ARB2A: variants seen among roughly 807,000 people sequenced by gnomAD.
ARB2A encodes the protein ARB2 cotranscriptional regulator A.
At chr5:93,779,784 A>AT in the ARB2A span, among the ~76,000 whole-genome samples, 3 of 152,082 alleles carry the variant, frequency 2.0e-5, no homozygotes, top group Admixed American at 1.3e-4. Flanking sequence ...CAGTTTAAAC[A>AT]TTTTTTTACC....
chr5:93,680,380 AAC>A, the ARB2A span, among the ~76,000 whole-genome samples: 1 of 152,140 alleles, frequency 6.6e-6, no homozygotes, highest in African/African-American at 2.4e-5. Context: ...AACTAGAAGA[AAC>A]AGAGTCTCAG....
the ARB2A span, among the ~76,000 whole-genome samples, chr5:93,853,424 C>A: frequency 6.6e-6 from 1 of 152,184 alleles, no homozygotes; most frequent in Admixed American, 6.5e-5. Context: ...TTGACTTCCT[C>A]TTTTCCTAAT....
At chr5:94,060,309 G>A in the ARB2A span, among the ~76,000 whole-genome samples, 4 of 151,822 alleles carry the variant, frequency 2.6e-5, no homozygotes, top group Admixed American at 1.3e-4. Context: ...CCAAGATCAC[G>A]CCACTGCACT....
At chr5:93,850,983 G>C in the ARB2A span, among the ~76,000 whole-genome samples, 1 of 151,980 alleles carries the variant, frequency 6.6e-6, no homozygotes, top group Admixed American at 6.6e-5. Context: ...CTTAGTCATT[G>C]ATTGGTTCTT....
At chr5:93,931,042 G>A in the ARB2A span, among the ~76,000 whole-genome samples, 3 of 152,140 alleles carry the variant, frequency 2.0e-5, no homozygotes, top group Admixed American at 2.0e-4. Flanking sequence ...GTGTCCATGT[G>A]TTCTCACTGT....
At chr5:93,965,196 G>C in the ARB2A span, among the ~76,000 whole-genome samples, 1 of 152,012 alleles carries the variant, frequency 6.6e-6, no homozygotes, top group Admixed American at 6.6e-5. Flanking sequence ...CAGAAGAACA[G>C]TGGGTCAGAG....
At chr5:93,798,040 G>T in the ARB2A span, among the ~76,000 whole-genome samples, 1 of 152,038 alleles carries the variant, frequency 6.6e-6, no homozygotes, top group African/African-American at 2.4e-5. Context: ...TCCTTGAGGG[G>T]AACGTTTATT....
the ARB2A span, chr5:93,735,452 T>C: frequency 1.3e-5 from 2 of 152,222 alleles, no homozygotes; most frequent in Non-Finnish European, 2.9e-5. Flanking sequence ...CTCATCACAA[T>C]TTCTCCACAT....
the ARB2A span, among the ~76,000 whole-genome samples, chr5:93,859,050 G>C: frequency 6.6e-6 from 1 of 152,056 alleles, no homozygotes; most frequent in Non-Finnish European, 1.5e-5. Context: ...GGCACATGTA[G>C]ATAGACATTT....
the ARB2A span, among the ~76,000 whole-genome samples, chr5:93,979,870 A>AG: frequency 6.6e-6 from 1 of 152,132 alleles, no homozygotes; most frequent in Non-Finnish European, 1.5e-5. Flanking sequence ...ACATCCTTAG[A>AG]GTTTTAACAT....
chr5:93,673,322 T>A, the ARB2A span, among the ~76,000 whole-genome samples: 1 of 152,182 alleles, frequency 6.6e-6, no homozygotes, highest in Non-Finnish European at 1.5e-5. Flanking sequence ...TTAAAATGTC[T>A]CATTTTCTAG....
chr5:93,900,014 T>C, the ARB2A span, among the ~76,000 whole-genome samples: 1 of 152,150 alleles, frequency 6.6e-6, no homozygotes, highest in African/African-American at 2.4e-5. Flanking sequence ...ATTACTTCAA[T>C]GAATGCTAGG....
chr5:93,941,442 A>G, the ARB2A span, among the ~76,000 whole-genome samples: 1 of 152,202 alleles, frequency 6.6e-6, no homozygotes, highest in Non-Finnish European at 1.5e-5. Flanking sequence ...AAAGAACAAC[A>G]TGACAGAAAT....
At chr5:93,697,851 C>A in the ARB2A span, among the ~76,000 whole-genome samples, 55 of 152,004 alleles carry the variant, frequency 3.6e-4, no homozygotes, top group African/African-American at 2.4e-5. Context: ...TAAAGCCTTG[C>A]AGAGATCTTG....
the ARB2A span, among the ~76,000 whole-genome samples, chr5:93,839,014 A>G: frequency 6.6e-6 from 1 of 152,248 alleles, no homozygotes; most frequent in African/African-American, 2.4e-5. Flanking sequence ...CTCTCTTCCT[A>G]TTTGGGTGCC....
the ARB2A span, among the ~76,000 whole-genome samples, chr5:93,876,654 T>C: frequency 6.6e-6 from 1 of 151,558 alleles, no homozygotes. Context: ...TACAAGATAC[T>C]AGAGAAAAGA....
At chr5:93,777,548 T>C in the ARB2A span, among the ~76,000 whole-genome samples, 159 of 152,110 alleles carry the variant, frequency 1.0e-3, 4 homozygotes, top group South Asian at 0.032. Flanking sequence ...CACACACACA[T>C]ACACACTCTC....
the ARB2A span, among the ~76,000 whole-genome samples, chr5:93,963,923 C>G: frequency 6.6e-6 from 1 of 151,730 alleles, no homozygotes. Context: ...AACTTTTTCA[C>G]TCTGAAATGT....
chr5:93,621,114 T>C, the ARB2A span: 1 of 1,611,550 alleles, frequency 6.2e-7, no homozygotes, highest in South Asian at 1.1e-5. Flanking sequence ...GGAAGTTAGC[T>C]CGTGACGGTC....
Sources: gnomAD v4.1 joint callset for allele counts (sites outside exome capture counted in the v4.1 genomes callset) on GRCh38, gnomAD v4.1.1 for gene constraint, MANE v1.5 for transcripts, NCBI Gene and HGNC (gene_info 2026-07-23, HGNC 2026-07-21) for gene names.